Variants in ACSM5 observed in about 807,000 individuals in gnomAD.
ACSM5 encodes acyl-coenzyme A synthetase ACSM5, mitochondrial.
Under a neutral mutation model 71.6 loss-of-function variants are expected in ACSM5, and 56 were observed. The ratio of observed to expected loss-of-function variants is 0.78; its 90% CI spans 0.63 to 0.98. The LOEUF (loss-of-function observed/expected upper bound fraction) is 0.98, where lower values mean the gene tolerates loss of function less well. Ranked by LOEUF, ACSM5 falls within the 50% of genes least tolerant of loss-of-function variation. ACSM5 has a pLI of 0.00. For missense variants in ACSM5, 723 were observed against 726.0 expected (o/e 1.00, Z 0.05); for synonymous variants, 285 against 281.5 (o/e 1.01, Z -0.12).
At chr16:20,423,870 G>C (rs568313506) in intron 5 of ACSM5, 46 bp from the exon 6 acceptor site, 14 of 1,609,116 alleles carry the variant, frequency 8.7e-6, no homozygotes, top group Non-Finnish European at 1.1e-5. Flanking sequence ...CCTTTTTAAA[G>C]GTAGAGTCAT....
chr16:20,440,019 G>T (rs1385362261), intron 13 of ACSM5, 100 bp downstream of exon 13: 3 of 1,432,368 alleles, frequency 2.1e-6, no homozygotes, highest in African/African-American at 2.8e-5. Context: ...AGGCACTGGG[G>T]ATATGGAGAA....
rs753842704 is a variant in ACSM5 at position 20,429,688 on chromosome 16, C to T, written c.1012C>T (p.Gln338Ter). Residue 338 changes from glutamine to a stop codon, truncating the protein, a stop_gained, in exon 8 of 14, where the codon CAG (glutamine) becomes TAG (stop). Coordinates refer to ENST00000331849, the MANE Select transcript of ACSM5 (RefSeq NM_017888.3). LOFTEE classifies it high-confidence loss of function. ...VQEDLTRYQFQSLRHCLTGGE... is the reference protein window; with the variant it reads ...VQEDLTRYQF ...TCCTGTCTGAGAAAGGTACCAGTTTCAGAGCCTGAGGCACTGTCTGACCGG... is the reference window on the plus strand; with the variant it reads ...TCCTGTCTGAGAAAGGTACCAGTTTTAGAGCCTGAGGCACTGTCTGACCGG... The T allele has an allele frequency of 6.2e-7, 1 of 1,613,956 alleles. No individual in the cohort carries two copies. The highest frequency in any genetic ancestry group is 2.2e-5 in the East Asian group (1 of 44,842).
At position 20,424,055 on chromosome 16, in the gene ACSM5, A is replaced by G. The variant is rs1966930441; in HGVS notation, c.907A>G (p.Lys303Glu). 1 of 1,614,106 alleles carries G rather than the reference A, an allele frequency of 6.2e-7. No homozygotes were observed. Among genetic ancestry groups the G allele is most frequent in the Non-Finnish European group, 8.5e-7 (1 of 1,180,012 alleles). The change falls in exon 6 of 14, where the codon AAA becomes GAA. Residue 303 changes from lysine (K) to glutamate (E), a missense_variant. Coordinates refer to ENST00000331849, the MANE Select transcript of ACSM5 (RefSeq NM_017888.3). ...GCATGAGCTGCCCCGAGTTGATGCC[A>G]AAGTTATCCTGAATGTAAGAGGAAA... Reference protein sequence around the residue: ...FVHELPRVDAKVILNTLSKFP... With the variant: ...FVHELPRVDAEVILNTLSKFP...
At chr16:20,413,173 G>A (rs566943534) in intron 2 of ACSM5, among the ~76,000 whole-genome samples, 1 of 152,226 alleles carries the variant, frequency 6.6e-6, no homozygotes, top group African/African-American at 2.4e-5. Flanking sequence ...AAAAATCTAA[G>A]TTCTTTTTGC....
At chr16:20,428,279 G>C (rs941096053) in intron 7 of ACSM5, among the ~76,000 whole-genome samples, 9 of 152,190 alleles carry the variant, frequency 5.9e-5, no homozygotes, top group Non-Finnish European at 1.3e-4. Context: ...CTGTGGAGTG[G>C]GGTCTGTGGC....
chr16:20,437,155 A>G lies in ACSM5; in HGVS notation c.1412A>G (p.Asn471Ser), dbSNP rs758868321. Residue 471 changes from asparagine to serine, a missense_variant, in exon 11 of 14, where the codon AAC (asparagine) becomes AGC (serine). Physicochemically the swap from Asn to Ser is conservative, Grantham distance 46. Coordinates refer to ENST00000331849, the MANE Select transcript of ACSM5 (RefSeq NM_017888.3). ...GGCTACTTTTGGTTCATGGGAAGAAACGACGATGTGATCAATTCTTCAAGG... is the reference window on the plus strand; with the variant it reads ...GGCTACTTTTGGTTCATGGGAAGAAGCGACGATGTGATCAATTCTTCAAGG... ...KDGYFWFMGR[N>S]DDVINSSSYR... 3 of 1,614,210 alleles carry G rather than the reference A, an allele frequency of 1.9e-6. No homozygotes were observed. Among genetic ancestry groups the G allele is most frequent in the Admixed American group, 3.3e-5 (2 of 60,020 alleles).
Position 20,422,194 on chromosome 16 carries a change from C to T in ACSM5, c.767+793C>T, listed in dbSNP as rs550316292. Among the ~76,000 whole-genome samples, 286 of 152,222 alleles carry T rather than the reference C, an allele frequency of 1.9e-3. 3 individuals are homozygous for T. The highest frequency in any genetic ancestry group is 6.4e-3 in the African/African-American group (267 of 41,520). The stretch of plus-strand genomic sequence containing the variant: ...TGGTGCGATCTCCACTCACTGCAAC[C>T]TCTGCCTTCCAGTTTCAAGCAATTC... On this transcript the variant is annotated intron_variant, in intron 5 of 13. Coordinates refer to ENST00000331849, the MANE Select transcript of ACSM5 (RefSeq NM_017888.3).
intron 12 of ACSM5, among the ~76,000 whole-genome samples, 198 bp downstream of exon 12, chr16:20,437,565 C>A (rs1422641449): frequency 2.0e-5 from 3 of 151,348 alleles, no homozygotes; most frequent in Non-Finnish European, 2.9e-5. Flanking sequence ...TGGGAAAACA[C>A]CAACACTTTG....
intron 10 of ACSM5, among the ~76,000 whole-genome samples, chr16:20,435,150 A>C (rs1419995266): frequency 6.6e-6 from 1 of 152,158 alleles, no homozygotes; most frequent in East Asian, 1.9e-4. Flanking sequence ...CTCCTGCCTC[A>C]GCCTCCCAAG....
chr16:20,432,847 C>CT (rs56853520), intron 10 of ACSM5, among the ~76,000 whole-genome samples: 2,990 of 57,332 alleles, frequency 0.052, 738 homozygotes, highest in Admixed American at 0.094. Context: ...CCAGATCATT[C>CT]TTTTTTTTTT....
At position 20,419,455 on chromosome 16, in the gene ACSM5, A is replaced by T. The variant is rs1452112218; in HGVS notation, c.623+20A>T. 6.2e-7 allele frequency: 1 copy of T among 1,611,050 alleles called. No individual in the cohort carries two copies. The highest frequency in any genetic ancestry group is 8.5e-7 in the Non-Finnish European group (1 of 1,177,644). ...CCTCCGGTGAATTGGGGCTCTCCAG[A>T]ACAGCAGAAAAATGAAGTCATTTCC... is the stretch of plus-strand genomic sequence containing the variant. On this transcript the variant is annotated intron_variant, in intron 4 of 13. Transcript: ENST00000331849.
intron 7 of ACSM5, among the ~76,000 whole-genome samples, 156 bp from the exon 8 acceptor site, chr16:20,429,522 T>C (rs1967052117): frequency 6.6e-6 from 1 of 152,196 alleles, no homozygotes; most frequent in Non-Finnish European, 1.5e-5. Context: ...AGGAGCATGG[T>C]TGCAAAGCCA....
At chr16:20,427,032 G>A (rs1966993815) in intron 6 of ACSM5, among the ~76,000 whole-genome samples, 1 of 139,540 alleles carries the variant, frequency 7.2e-6, no homozygotes, top group South Asian at 2.5e-4. Context: ...GCCGGGCACA[G>A]TGGTTCATAC....
At chr16:20,427,617 G>A (rs954311932) in intron 6 of ACSM5, among the ~76,000 whole-genome samples, 171 bp from the exon 7 acceptor site, 2 of 152,246 alleles carry the variant, frequency 1.3e-5, no homozygotes, top group African/African-American at 4.8e-5. Context: ...CTCCAAAGGT[G>A]CACATGCCAG....
rs9938538 is a variant in ACSM5 at position 20,420,430 on chromosome 16, G to A, written c.624-828G>A. On this transcript the variant is annotated intron_variant, in intron 4 of 13. Transcript: ENST00000331849. ...AGCCTGACCAGCATGGAGAAACCCCGTCTCTACTAAAAATACAAAATTAGC... is the reference window on the plus strand; with the variant it reads ...AGCCTGACCAGCATGGAGAAACCCCATCTCTACTAAAAATACAAAATTAGC... 5.0e-3 allele frequency among the ~76,000 whole-genome samples: 767 copies of A among 152,206 alleles called. 5 individuals are homozygous for A. Among genetic ancestry groups the A allele is most frequent in the African/African-American group, 0.017 (722 of 41,520 alleles).
intron 10 of ACSM5, among the ~76,000 whole-genome samples, chr16:20,433,252 T>C (rs990780807): frequency 6.6e-6 from 1 of 152,210 alleles, no homozygotes; most frequent in Non-Finnish European, 1.5e-5. Flanking sequence ...CAGACCAAAA[T>C]TGTTCTGTGA....
intron 4 of ACSM5, among the ~76,000 whole-genome samples, chr16:20,420,780 C>T (rs971448315): frequency 2.6e-5 from 4 of 152,036 alleles, no homozygotes; most frequent in African/African-American, 9.7e-5. Flanking sequence ...AAAAATTTAC[C>T]AGGGGACTTC....
Position 20,423,901 on chromosome 16 carries a change from T to C in ACSM5, c.768-15T>C. On this transcript the variant is annotated splice_polypyrimidine_tract_variant and intron_variant, in intron 5 of 13. Coordinates refer to ENST00000331849, the MANE Select transcript of ACSM5 (RefSeq NM_017888.3). ...GTCATTGCCAAGGTTACTGACGTTC[T>C]CTAATTTTTGGCAGACGGTGGGTGG... The C allele has an allele frequency of 1.9e-6, 3 of 1,613,764 alleles. No homozygotes were observed. Among genetic ancestry groups the C allele is most frequent in the Non-Finnish European group, 2.5e-6 (3 of 1,179,848 alleles).
intron 2 of ACSM5, among the ~76,000 whole-genome samples, chr16:20,416,316 T>C (rs967135828): frequency 6.6e-6 from 1 of 151,922 alleles, no homozygotes; most frequent in African/African-American, 2.4e-5. Context: ...CTCACACTTT[T>C]CTATTTCAAG....
Sources: gnomAD v4.1 joint callset for allele counts (sites outside exome capture counted in the v4.1 genomes callset) on GRCh38, gnomAD v4.1.1 for gene constraint, MANE v1.5 for transcripts, NCBI Gene and HGNC (gene_info 2026-07-23, HGNC 2026-07-21) for gene names.